Variants in RHAG observed in about 807,000 individuals in gnomAD.
The protein encoded by RHAG is ammonium transporter Rh type A.
In RHAG, 25 loss-of-function variants were observed where a neutral mutation model predicts 42.4. The observed-to-expected ratio is 0.59, with a 90% CI of 0.43 to 0.82. The LOEUF is 0.82. Among genes scored for constraint, RHAG ranks in the 40% least tolerant of loss-of-function variants. The pLI is 0.00. For synonymous variants in RHAG, 182 were observed against 177.7 expected (o/e 1.02, Z -0.19); for missense variants, 483 against 504.6 (o/e 0.96, Z 0.41).
chr6:49,614,879 T>C (rs754754380), intron 4 of RHAG, 26 bp from the exon 5 acceptor site: 1 of 1,609,612 alleles, frequency 6.2e-7, no homozygotes, highest in East Asian at 2.2e-5. Context: ...AGAGGGGATA[T>C]TAGTTCTGAA....
At chr6:49,614,373 T>TG (rs1323364098) in intron 5 of RHAG, among the ~76,000 whole-genome samples, 3 of 151,234 alleles carry the variant, frequency 2.0e-5, no homozygotes, top group African/African-American at 7.3e-5. Flanking sequence ...TTTTTTTTTT[T>TG]GTATTTTTAG....
Position 49,605,554 on chromosome 6 carries a change from T to C in RHAG, c.*259A>G, listed in dbSNP as rs1386128198. On this transcript the variant is annotated 3_prime_UTR_variant, in exon 10 of 10. Transcript: ENST00000371175. ...GGAATCCTGGAGAAGATCTATTTGA[T>C]TATCTGTTTTATGAGTAACATCCCC... The C allele has an allele frequency of 7.3e-6, 4 of 548,060 alleles. No homozygotes were observed. The Admixed American group carries it at 1.2e-4, about 16-fold the overall frequency. 33.9% of individuals were successfully genotyped at this position (548,060 alleles called of 1,614,324 possible).
At chr6:49,625,469 C>T (rs1762830416) in intron 1 of RHAG, among the ~76,000 whole-genome samples, 1 of 152,122 alleles carries the variant, frequency 6.6e-6, no homozygotes, top group Non-Finnish European at 1.5e-5. Context: ...TCACACAGTG[C>T]CTATGACAAA....
intron 1 of RHAG, among the ~76,000 whole-genome samples, chr6:49,621,097 C>T (rs1184997965): frequency 1.3e-5 from 2 of 152,178 alleles, no homozygotes; most frequent in Admixed American, 6.5e-5. Flanking sequence ...CTTGGCTCCT[C>T]TCTACTTCTG....
In RHAG at chr6:49,614,861, G is replaced by A. The variant is rs762745908; in HGVS notation, c.641-8C>T. On this transcript the variant is annotated splice_polypyrimidine_tract_variant and splice_region_variant and intron_variant, in intron 4 of 9. Coordinates refer to ENST00000371175, the MANE Select transcript of RHAG (RefSeq NM_000324.3). ...TCCACAGAAAGAGAGTCCCTGTAGTGAACCAAAAGAGGGGATATTAGTTCT... is the reference window on the plus strand; with the variant it reads ...TCCACAGAAAGAGAGTCCCTGTAGTAAACCAAAAGAGGGGATATTAGTTCT... 1.9e-6 allele frequency: 3 copies of A among 1,613,962 alleles called. No individual in the cohort carries two copies. The Admixed American group carries it at 5.0e-5, about 27-fold the overall frequency.
intron 1 of RHAG, among the ~76,000 whole-genome samples, chr6:49,631,078 T>C (rs545640650): frequency 2.8e-4 from 42 of 152,328 alleles, no homozygotes; most frequent in African/African-American, 7.2e-4. Flanking sequence ...ATTATACAGA[T>C]AGTATTGTGT....
chr6:49,636,784 A>G lies in RHAG; in HGVS notation c.29T>C (p.Ile10Thr), dbSNP rs1403749468. The change falls in exon 1 of 10, where the codon ATA (isoleucine) becomes ACA (threonine). Residue 10 changes from isoleucine to threonine, a missense_variant. Coordinates refer to ENST00000371175, the MANE Select transcript of RHAG (RefSeq NM_000324.3). The part of the protein sequence containing the change: MRFTFPLMA[I>T]VLEIAMIVLF... Reference sequence around the variant, plus strand: ...AACAATCATGGCAATTTCCAGGACTATAGCCATGAGAGGGAATGTGAACCT... The same window carrying G: ...AACAATCATGGCAATTTCCAGGACTGTAGCCATGAGAGGGAATGTGAACCT... 6.2e-7 allele frequency: 1 copy of G among 1,613,834 alleles called. No individual in the cohort carries two copies. The highest frequency in any genetic ancestry group is 1.3e-5 in the African/African-American group (1 of 74,928).
chr6:49,611,599 T>C (rs1762569088), intron 6 of RHAG, among the ~76,000 whole-genome samples: 1 of 152,186 alleles, frequency 6.6e-6, no homozygotes, highest in Non-Finnish European at 1.5e-5. Context: ...TCTCCATCCA[T>C]ATCTGAAGTC....
chr6:49,612,979 A>G (rs1321515781), intron 5 of RHAG, among the ~76,000 whole-genome samples: 2 of 152,192 alleles, frequency 1.3e-5, no homozygotes, highest in African/African-American at 4.8e-5. Context: ...ATGTAGAGAC[A>G]TTGAAATGTA....
intron 1 of RHAG, 82 bp downstream of exon 1, chr6:49,636,574 G>C: frequency 4.4e-6 from 6 of 1,362,692 alleles, no homozygotes; most frequent in Non-Finnish European, 6.3e-6. Flanking sequence ...AGAGCTCAAG[G>C]GTTTATAGTA....
At chr6:49,629,928 T>C (rs1287583433) in intron 1 of RHAG, among the ~76,000 whole-genome samples, 1 of 152,062 alleles carries the variant, frequency 6.6e-6, no homozygotes, top group Non-Finnish European at 1.5e-5. Flanking sequence ...CTCGCGCCTC[T>C]CCCTCCACAC....
At chr6:49,621,206 A>T (rs1581945196) in intron 1 of RHAG, among the ~76,000 whole-genome samples, 1 of 152,146 alleles carries the variant, frequency 6.6e-6, no homozygotes, top group Non-Finnish European at 1.5e-5. Flanking sequence ...TGCGCTGCCC[A>T]GATGCCCCCT....
intron 1 of RHAG, among the ~76,000 whole-genome samples, chr6:49,630,928 C>G (rs116728679): frequency 1.3e-5 from 2 of 152,092 alleles, no homozygotes; most frequent in African/African-American, 2.4e-5. Flanking sequence ...TGTCTTTAGA[C>G]GCCTTTGATT....
intron 7 of RHAG, among the ~76,000 whole-genome samples, chr6:49,608,342 T>C (rs913320536): frequency 2.0e-5 from 3 of 152,186 alleles, no homozygotes; most frequent in African/African-American, 7.2e-5. Flanking sequence ...TTTCCTAATA[T>C]AAAACCTATC....
At chr6:49,607,603 G>A (rs554391001) in intron 7 of RHAG, among the ~76,000 whole-genome samples, 9 of 152,240 alleles carry the variant, frequency 5.9e-5, no homozygotes, top group Middle Eastern at 3.4e-3. Flanking sequence ...AAAACAACAT[G>A]AGCTACTAAA....
At chr6:49,629,597 G>T (rs920240114) in intron 1 of RHAG, among the ~76,000 whole-genome samples, 58 of 152,278 alleles carry the variant, frequency 3.8e-4, no homozygotes, top group African/African-American at 1.4e-3. Flanking sequence ...CGTGGAGCAG[G>T]GGGTGGCGTT....
At position 49,626,076 on chromosome 6, in the gene RHAG, A is replaced by G. The variant is rs540334092; in HGVS notation, c.158-6714T>C. Among the ~76,000 whole-genome samples the G allele has an allele frequency of 1.9e-4, 29 of 152,308 alleles. No homozygotes were observed. The East Asian group carries it at 5.4e-3, about 28-fold the overall frequency. On this transcript the variant is annotated intron_variant, in intron 1 of 9. Coordinates refer to ENST00000371175, the MANE Select transcript of RHAG (RefSeq NM_000324.3). ...GAACTACAATTCAAGATGAGATTTG[A>G]GTGGGAACACAGACAAACCATCTCA...
chr6:49,607,075 A>G, intron 8 of RHAG, 75 bp downstream of exon 8: 1 of 1,365,570 alleles, frequency 7.3e-7, no homozygotes. Context: ...TTAGCAATTG[A>G]CTTGCTCATT....
rs369448710 is a variant in RHAG at position 49,605,866 on chromosome 6, T to C, written c.1213-36A>G. The C allele has an allele frequency of 6.4e-6, 10 of 1,557,142 alleles. No individual in the cohort carries two copies. The African/African-American group carries it at 1.2e-4, about 19-fold the overall frequency. ...ACAAGTTTGAGGGCACTTAATAGTT[T>C]ATTTCACTGTTCTTGTCAGAAATTA... On this transcript the variant is annotated intron_variant, in intron 9 of 9. Transcript: ENST00000371175.
Sources: gnomAD v4.1 joint callset for allele counts (sites outside exome capture counted in the v4.1 genomes callset) on GRCh38, gnomAD v4.1.1 for gene constraint, MANE v1.5 for transcripts, NCBI Gene and HGNC (gene_info 2026-07-23, HGNC 2026-07-21) for gene names.